PLXDC1: variants seen among roughly 807,000 people sequenced by gnomAD.
PLXDC1 encodes plexin domain-containing protein 1.
A neutral mutation model predicts 61.3 loss-of-function variants in PLXDC1; 39 were observed. That is an observed-to-expected ratio of 0.64 (90% confidence interval 0.49 to 0.83). The LOEUF is 0.83. PLXDC1 is among the 40% of genes least tolerant of loss of function. The pLI is 0.00. For missense variants in PLXDC1, 596 were observed against 666.5 expected (o/e 0.89, Z 1.17); for synonymous variants, 212 against 254.5 (o/e 0.83, Z 1.59).
At chr17:39,102,831 C>T (rs1165604694) in intron 7 of PLXDC1, among the ~76,000 whole-genome samples, 1 of 152,014 alleles carries the variant, frequency 6.6e-6, no homozygotes, top group South Asian at 2.1e-4. Context: ...TGAGAGATGG[C>T]GAACTGAGAG....
intron 3 of PLXDC1, 31 bp downstream of exon 3, chr17:39,109,217 G>A (rs898310698): frequency 1.3e-6 from 2 of 1,593,524 alleles, no homozygotes; most frequent in Non-Finnish European, 8.6e-7. Flanking sequence ...TCCCAGCACA[G>A]GGAAGCATGG....
chr17:39,104,919 G>A (rs575750236), intron 7 of PLXDC1, among the ~76,000 whole-genome samples: 13 of 152,298 alleles, frequency 8.5e-5, no homozygotes, highest in Non-Finnish European at 1.5e-4. Flanking sequence ...TGATGGAACC[G>A]AACAGAAATA....
intron 7 of PLXDC1, among the ~76,000 whole-genome samples, chr17:39,089,167 A>G: frequency 6.6e-6 from 1 of 152,162 alleles, no homozygotes; most frequent in South Asian, 2.1e-4. Flanking sequence ...AAACAGCAGC[A>G]TTCCCCTTGG....
At chr17:39,076,077 GAAAAAAAAAAA>G (rs71352340) in intron 11 of PLXDC1, among the ~76,000 whole-genome samples, 1 of 82,404 alleles carries the variant, frequency 1.2e-5, no homozygotes, top group African/African-American at 5.4e-5. Flanking sequence ...GACTAAGTCT[GAAAAAAAAAAA>G]AAGAAAAAAA....
chr17:39,079,134 C>A lies in PLXDC1; in HGVS notation c.1020G>T (p.Gln340His). 1 of 1,614,002 alleles carries A rather than the reference C, an allele frequency of 6.2e-7. No homozygotes were observed. Residue 340 changes from glutamine (Q) to histidine (H), a missense_variant, in exon 10 of 14, where the codon CAG becomes CAT. Physicochemically the swap from Gln to His is conservative, Grantham distance 24. Transcript: ENST00000315392. ...RCSSGFDRYR[Q>H]EWMDYGCAQE... Reference sequence around the variant, plus strand: ...GTGCACAGCCATAGTCCATCCACTCCTGGCGATAGCGGTCAAAGCCACTGG... The same window carrying A: ...GTGCACAGCCATAGTCCATCCACTCATGGCGATAGCGGTCAAAGCCACTGG...
intron 1 of PLXDC1, among the ~76,000 whole-genome samples, chr17:39,141,803 A>C (rs1351791137): frequency 6.6e-6 from 1 of 152,128 alleles, no homozygotes; most frequent in African/African-American, 2.4e-5. Context: ...ATCTCTCCAC[A>C]TTCTTGCCAA....
intron 2 of PLXDC1, among the ~76,000 whole-genome samples, chr17:39,131,047 GGAGA>G (rs1414361475): frequency 1.3e-5 from 2 of 152,144 alleles, no homozygotes; most frequent in African/African-American, 4.8e-5. Context: ...GAAGCGGAGG[GGAGA>G]CCACCAGGAC....
At chr17:39,087,248 G>T (rs1399457144) in intron 8 of PLXDC1, among the ~76,000 whole-genome samples, 2 of 152,192 alleles carry the variant, frequency 1.3e-5, no homozygotes, top group Non-Finnish European at 2.9e-5. Flanking sequence ...CTAGTTCCTG[G>T]ATCACCTTTT....
intron 7 of PLXDC1, among the ~76,000 whole-genome samples, chr17:39,095,632 CT>C (rs538439356): frequency 3.3e-4 from 49 of 146,542 alleles, no homozygotes; most frequent in Admixed American, 9.5e-4. Context: ...TGTTTTTTGT[CT>C]TTTTTTTTTG....
intron 1 of PLXDC1, among the ~76,000 whole-genome samples, chr17:39,144,072 G>C (rs1036277398): frequency 6.6e-6 from 1 of 152,152 alleles, no homozygotes; most frequent in African/African-American, 2.4e-5. Context: ...GGATCTTCAG[G>C]ATTCACAAAC....
intron 2 of PLXDC1, among the ~76,000 whole-genome samples, chr17:39,128,094 T>TATATATATATATACAC (rs1911377570): frequency 1.4e-5 from 1 of 71,092 alleles, no homozygotes; most frequent in Non-Finnish European, 2.7e-5. Context: ...TCTCTCTCTA[T>TATATATATATATACAC]GTGTATATAT....
rs143743274 is a variant in PLXDC1, at chr17:39,107,526, C to T, written c.593-1G>A. Reference sequence around the variant, plus strand: ...TCCCACTGAACCACAAAGACTGTCCCTGGGGAGAAGAACAGAGACCCGGCT... The same window carrying T: ...TCCCACTGAACCACAAAGACTGTCCTTGGGGAGAAGAACAGAGACCCGGCT... On this transcript the variant is annotated splice_acceptor_variant, in intron 5 of 13. Coordinates refer to ENST00000315392, the MANE Select transcript of PLXDC1 (RefSeq NM_020405.5). LOFTEE classifies it high-confidence loss of function. 2 of 1,606,280 alleles carry T rather than the reference C, an allele frequency of 1.2e-6. No individual in the cohort carries two copies. Among genetic ancestry groups the T allele is most frequent in the African/African-American group, 2.7e-5 (2 of 74,750 alleles).
chr17:39,084,518 C>A (rs565032096), intron 8 of PLXDC1, among the ~76,000 whole-genome samples: 1 of 152,362 alleles, frequency 6.6e-6, no homozygotes, highest in South Asian at 2.1e-4. Context: ...GGGGCACTCA[C>A]TGCCCACTCC....
Position 39,143,960 on chromosome 17 carries a change from G to C in PLXDC1, c.77-4128C>G, listed in dbSNP as rs139096193. The stretch of plus-strand genomic sequence containing the variant: ...CTGGGCTGGTCTGCCCAGCTCCCCA[G>C]GTCTTCCTGCAAGCAGCCCTGGGGC... On this transcript the variant is annotated intron_variant, in intron 1 of 13. Coordinates refer to ENST00000315392, the MANE Select transcript of PLXDC1 (RefSeq NM_020405.5). 3.9e-3 allele frequency among the ~76,000 whole-genome samples: 590 copies of C among 152,336 alleles called. 9 individuals carry two copies. The highest frequency in any genetic ancestry group is 0.014 in the African/African-American group (567 of 41,572).
chr17:39,100,774 A>G (rs553939651), intron 7 of PLXDC1, among the ~76,000 whole-genome samples: 140 of 152,376 alleles, frequency 9.2e-4, no homozygotes, highest in African/African-American at 3.3e-3. Context: ...TTTACCAACC[A>G]GTCAGAGCAG....
At position 39,151,341 on chromosome 17, in the gene PLXDC1, G is replaced by T; in HGVS notation, c.76+21C>A. ...CCCTCCCCGCCCCCGGCCCACCCGG[G>T]CCGGCTCCCGCCAGTCCTACCTGCT... is the stretch of plus-strand genomic sequence containing the variant. On this transcript the variant is annotated intron_variant, in intron 1 of 13. Transcript: ENST00000315392. The surrounding 1 kb of genome is among the most constrained non-coding windows in gnomAD (Gnocchi z 5.2). 7.9e-7 allele frequency: 1 copy of T among 1,272,018 alleles called. No individual in the cohort carries two copies. Among genetic ancestry groups the T allele is most frequent in the South Asian group, 2.6e-5 (1 of 38,002 alleles). 78.8% of individuals were successfully genotyped at this position (1,272,018 alleles called of 1,614,324 possible). A position where few individuals can be genotyped will look rare whatever the true frequency, so the allele number is the denominator to read the frequency against.
In PLXDC1 at chr17:39,063,639, T is replaced by C. The variant is rs1454756826; in HGVS notation, c.*4201A>G. 6 of 616,262 alleles carry C rather than the reference T, an allele frequency of 9.7e-6. No individual in the cohort carries two copies. In the East Asian group the frequency reaches 1.7e-4, roughly 17 times the overall value. 38.2% of individuals were successfully genotyped at this position (616,262 alleles called of 1,614,324 possible). On this transcript the variant is annotated 3_prime_UTR_variant, in exon 14 of 14. Coordinates refer to ENST00000315392, the MANE Select transcript of PLXDC1 (RefSeq NM_020405.5). The stretch of plus-strand genomic sequence containing the variant: ...TGTAAAAGAATGCTTCCTTTTATTA[T>C]TAACACTGAGAATCCATGCAGAGAG...
chr17:39,107,737 G>A (rs1011919862), intron 5 of PLXDC1: 4 of 606,380 alleles, frequency 6.6e-6, no homozygotes, highest in Non-Finnish European at 1.2e-5. Context: ...TTCAGCCCCA[G>A]ATACTGTACT....
At chr17:39,152,959 T>C (rs1320088007), upstream of PLXDC1, 1 of 295,142 alleles carries the variant, frequency 3.4e-6, no homozygotes, top group Non-Finnish European at 6.2e-6. Flanking sequence ...TAAATTCTTC[T>C]TGATGTCTAA....
Sources: allele counts gnomAD v4.1 joint callset (sites outside exome capture counted in the v4.1 genomes callset), GRCh38; gene constraint gnomAD v4.1.1; non-coding constraint Gnocchi (gnomAD v3.1); transcripts MANE v1.5; gene names NCBI Gene and HGNC (gene_info 2026-07-23, HGNC 2026-07-21).